The following FAM193A variants were observed in gnomAD, a reference collection of about 807,000 sequenced individuals.
The protein encoded by FAM193A is family with sequence similarity 193 member A.
FAM193A carries 22 observed loss-of-function variants against 126.5 expected under a neutral mutation model. The ratio of observed to expected loss-of-function variants is 0.17; its 90% CI spans 0.12 to 0.25. FAM193A has a LOEUF of 0.25. FAM193A is among the 10% of genes least tolerant of loss of function. The pLI, the probability that FAM193A is intolerant of heterozygous loss-of-function variation, is 1.00. For synonymous variants in FAM193A, 761 were observed against 646.8 expected, an observed-to-expected ratio of 1.18 and a Z score of -2.68; for missense variants, 1,675 against 1,672.8, an observed-to-expected ratio of 1.00 and a Z score of -0.02.
chr4:2,574,854 C>T (rs1739494527), intron 1 of FAM193A, among the ~76,000 whole-genome samples: 2 of 151,908 alleles, frequency 1.3e-5, no homozygotes, highest in Non-Finnish European at 2.9e-5. Context: ...TAATTCTGGC[C>T]TTTTGGCGTA....
chr4:2,599,873 C>G (rs879896125), intron 2 of FAM193A, among the ~76,000 whole-genome samples: 3 of 151,540 alleles, frequency 2.0e-5, no homozygotes, highest in Non-Finnish European at 2.9e-5. Flanking sequence ...GTAGCTGGGA[C>G]TATAGGCATG....
chr4:2,707,537 AT>A (rs1718440912), intron 19 of FAM193A, among the ~76,000 whole-genome samples: 1 of 152,108 alleles, frequency 6.6e-6, no homozygotes, highest in East Asian at 1.9e-4. Context: ...AGAATGCAAA[AT>A]ATCTCAGTAT....
At chr4:2,613,523 G>A (rs1577075224) in intron 2 of FAM193A, among the ~76,000 whole-genome samples, 4 of 150,834 alleles carry the variant, frequency 2.7e-5, no homozygotes, top group African/African-American at 4.9e-5. Context: ...GCGCGATGTC[G>A]GCTCACCACA....
At chr4:2,713,998 A>T (rs560387817) in intron 19 of FAM193A, among the ~76,000 whole-genome samples, 1 of 152,334 alleles carries the variant, frequency 6.6e-6, no homozygotes, top group African/African-American at 2.4e-5. Context: ...GATTTTATAG[A>T]CTGATTATTC....
chr4:2,667,687 A>G (rs1477498848), intron 12 of FAM193A, among the ~76,000 whole-genome samples: 2 of 152,022 alleles, frequency 1.3e-5, no homozygotes, highest in Non-Finnish European at 2.9e-5. Context: ...TTGAATCTAA[A>G]ATTTGTCTAA....
chr4:2,716,227 A>G (rs565833696), intron 20 of FAM193A, 123 bp downstream of exon 20: 14 of 717,130 alleles, frequency 2.0e-5, no homozygotes, highest in Non-Finnish European at 3.3e-5. Flanking sequence ...AAGCCAGACA[A>G]CATGGCTTCT....
At position 2,657,793 on chromosome 4, in the gene FAM193A, C is replaced by T. The variant is rs754695212; in HGVS notation, c.1312-10C>T. The T allele has an allele frequency of 7.5e-6, 12 of 1,591,936 alleles. No individual in the cohort carries two copies. Among genetic ancestry groups the T allele is most frequent in the Admixed American group, 5.3e-5 (3 of 56,392 alleles). ...TTCTTTTTTTTCTGTTTTTTACATCCCCTTACTAGATGACAATGAAAACCA... is the reference window on the plus strand; with the variant it reads ...TTCTTTTTTTTCTGTTTTTTACATCTCCTTACTAGATGACAATGAAAACCA... On this transcript the variant is annotated splice_polypyrimidine_tract_variant and intron_variant, in intron 7 of 20. Coordinates refer to ENST00000637812, the MANE Select transcript of FAM193A (RefSeq NM_001366318.2).
At chr4:2,642,749 T>A (rs1011342296) in intron 6 of FAM193A, among the ~76,000 whole-genome samples, 1 of 150,026 alleles carries the variant, frequency 6.7e-6, no homozygotes, top group African/African-American at 2.5e-5. Context: ...TTTTTTTTTT[T>A]GGAGACAGAG....
intron 1 of FAM193A, among the ~76,000 whole-genome samples, chr4:2,574,307 G>A (rs1417762733): frequency 6.6e-6 from 1 of 152,036 alleles, no homozygotes; most frequent in Admixed American, 6.6e-5. Flanking sequence ...TGAGAGGGCC[G>A]GCCTGTCTCA....
intron 19 of FAM193A, among the ~76,000 whole-genome samples, chr4:2,711,099 A>G (rs949035958): frequency 1.3e-4 from 19 of 151,232 alleles, no homozygotes; most frequent in South Asian, 1.0e-3. Context: ...TGATCCACCC[A>G]CCTTGGCCTC....
At chr4:2,651,599 C>T (rs566601190) in intron 7 of FAM193A, among the ~76,000 whole-genome samples, 1 of 152,344 alleles carries the variant, frequency 6.6e-6, no homozygotes, top group East Asian at 1.9e-4. Flanking sequence ...ATGATCCCAT[C>T]ACCTCCCACC....
At chr4:2,580,052 A>G (rs946485651) in intron 1 of FAM193A, among the ~76,000 whole-genome samples, 1 of 152,224 alleles carries the variant, frequency 6.6e-6, no homozygotes, top group Non-Finnish European at 1.5e-5. Flanking sequence ...TGATAGATAG[A>G]TTGCATAAAG....
intron 20 of FAM193A, among the ~76,000 whole-genome samples, chr4:2,718,551 C>G (rs1480824576): frequency 6.6e-6 from 1 of 151,944 alleles, no homozygotes; most frequent in African/African-American, 2.4e-5. Flanking sequence ...TGGTGAAATC[C>G]TGTCTCTACA....
chr4:2,575,846 C>T (rs1739555450), intron 1 of FAM193A, among the ~76,000 whole-genome samples: 1 of 152,146 alleles, frequency 6.6e-6, no homozygotes, highest in African/African-American at 2.4e-5. Flanking sequence ...AAGATGGGCC[C>T]TCTGCTCTTC....
At chr4:2,638,080 C>T (rs1744261033) in intron 5 of FAM193A, among the ~76,000 whole-genome samples, 1 of 152,330 alleles carries the variant, frequency 6.6e-6, no homozygotes, top group South Asian at 2.1e-4. Flanking sequence ...AATGGCTATC[C>T]CAGAGGTTTC....
intron 13 of FAM193A, among the ~76,000 whole-genome samples, chr4:2,688,308 G>A (rs185905728): frequency 6.6e-6 from 1 of 152,288 alleles, no homozygotes; most frequent in East Asian, 1.9e-4. Flanking sequence ...GGATTTTAGT[G>A]TGTTCAGTGG....
intron 1 of FAM193A, among the ~76,000 whole-genome samples, chr4:2,577,411 GT>G (rs67407606): frequency 0.045 from 4,550 of 101,864 alleles, 109 homozygotes; most frequent in South Asian, 0.1. Context: ...AATTAAAGTG[GT>G]TTTTTTTTTG....
intron 2 of FAM193A, among the ~76,000 whole-genome samples, chr4:2,617,240 T>TTTTA (rs377206444): frequency 0.026 from 895 of 34,780 alleles, 35 homozygotes; most frequent in East Asian, 0.032. Context: ...TATGTTTTTA[T>TTTTA]TATATATATA....
chr4:2,664,214 G>T (rs965874895), intron 12 of FAM193A, among the ~76,000 whole-genome samples: 2 of 152,110 alleles, frequency 1.3e-5, no homozygotes, highest in African/African-American at 2.4e-5. Context: ...TCTTTTAGAA[G>T]ATTTATAATT....
Sources: gnomAD v4.1 joint callset for allele counts (sites outside exome capture counted in the v4.1 genomes callset) on GRCh38, gnomAD v4.1.1 for gene constraint, MANE v1.5 for transcripts, NCBI Gene and HGNC (gene_info 2026-07-23, HGNC 2026-07-21) for gene names.